RNF212: variants seen among roughly 807,000 people sequenced by gnomAD.
RNF212 encodes the protein probable E3 SUMO-protein ligase RNF212.
Under a neutral mutation model 34.7 loss-of-function variants are expected in RNF212, and 33 were observed. The ratio of observed to expected loss-of-function variants is 0.95; its 90% CI spans 0.72 to 1.27. The LOEUF (loss-of-function observed/expected upper bound fraction) is 1.27. RNF212 is among the 50% of genes most tolerant of loss of function. The pLI, the probability that RNF212 is intolerant of heterozygous loss-of-function variation, is 0.00. For synonymous variants in RNF212, 140 were observed against 136.1 expected, an observed-to-expected ratio of 1.03 and a Z score of -0.20; for missense variants, 377 against 362.2, an observed-to-expected ratio of 1.04 and a Z score of -0.33.
In RNF212 at chr4:1,072,976, C is replaced by A. The variant is rs751647382; in HGVS notation, c.792G>T (p.Leu264Phe). 2 of 1,614,158 alleles carry A rather than the reference C, an allele frequency of 1.2e-6. No individual in the cohort carries two copies. Among genetic ancestry groups the A allele is most frequent in the Non-Finnish European group, 1.7e-6 (2 of 1,180,038 alleles). ...TGCCCTCAGCCTGCTGGAACGGAAACAAGACGGCCCTTTGTACCTCAGCAT... is the reference window on the plus strand; with the variant it reads ...TGCCCTCAGCCTGCTGGAACGGAAAAAAGACGGCCCTTTGTACCTCAGCAT... ...PIYAEVQRAV[L>F]FPFQQAEGTL... The change falls in exon 10 of 10, where the codon TTG becomes TTT. Residue 264 changes from leucine (L) to phenylalanine (F), a missense_variant. Transcript: ENST00000433731.
At chr4:1,094,761 C>A (rs1722781474) in intron 3 of RNF212, among the ~76,000 whole-genome samples, 1 of 152,246 alleles carries the variant, frequency 6.6e-6, no homozygotes, top group Non-Finnish European at 1.5e-5. Context: ...CCCAGAGAAC[C>A]CTGATCTGGT....
intron 2 of RNF212, among the ~76,000 whole-genome samples, chr4:1,106,282 A>G (rs1450519426): frequency 6.7e-6 from 1 of 149,290 alleles, no homozygotes; most frequent in Non-Finnish European, 1.5e-5. Context: ...ACACACACAC[A>G]CACACACAGT....
At chr4:1,056,751 G>T in intron 4 of RNF212, 2 of 743,338 alleles carry the variant, frequency 2.7e-6, no homozygotes, top group Non-Finnish European at 3.3e-6. Flanking sequence ...CTCCATGGCT[G>T]CCCTTGGCAC....
At chr4:1,095,348 T>C (rs1322258370) in intron 3 of RNF212, among the ~76,000 whole-genome samples, 4 of 46,410 alleles carry the variant, frequency 8.6e-5, no homozygotes, top group Non-Finnish European at 1.7e-4. Context: ...CACAGCTCCA[T>C]GGTCTCAGCA....
intron 5 of RNF212, among the ~76,000 whole-genome samples, chr4:1,083,158 C>T (rs552338391): frequency 6.6e-6 from 1 of 152,238 alleles, no homozygotes; most frequent in South Asian, 2.1e-4. Flanking sequence ...AGAAATATAC[C>T]TCCCTCCAGC....
chr4:1,068,849 A>G (rs1352299991), downstream of RNF212, among the ~76,000 whole-genome samples: 1 of 152,234 alleles, frequency 6.6e-6, no homozygotes, highest in Non-Finnish European at 1.5e-5. Flanking sequence ...TTAAAAATGC[A>G]TTTTGAACAT....
intron 2 of RNF212, among the ~76,000 whole-genome samples, chr4:1,098,797 A>T (rs1009804548): frequency 2.6e-5 from 4 of 152,172 alleles, no homozygotes; most frequent in Non-Finnish European, 5.9e-5. Flanking sequence ...ATACAGAAAA[A>T]GTGCCCCCAG....
intron 4 of RNF212, among the ~76,000 whole-genome samples, chr4:1,057,340 C>G (rs10026482): frequency 0.81 from 123,460 of 152,106 alleles, 50,809 homozygotes; most frequent in African/African-American, 0.94. Context: ...ATGGGAGGGT[C>G]TGCCTTTTAG....
upstream of RNF212, chr4:1,113,570 C>A: frequency 1.2e-6 from 1 of 858,746 alleles, no homozygotes; most frequent in Non-Finnish European, 1.7e-6. Context: ...TCTGCGCCTG[C>A]GCAAAGTCGA....
intron 1 of RNF212, among the ~76,000 whole-genome samples, chr4:1,112,664 G>A (rs1725877344): frequency 1.4e-5 from 2 of 146,774 alleles, no homozygotes; most frequent in Admixed American, 6.8e-5. Flanking sequence ...CCGACTGACA[G>A]GACTCGTGGC....
intron 2 of RNF212, among the ~76,000 whole-genome samples, chr4:1,098,305 G>C (rs553257994): frequency 3.9e-5 from 6 of 152,334 alleles, no homozygotes; most frequent in African/African-American, 1.4e-4. Flanking sequence ...AACAGGAAAT[G>C]ATATCTTGAA....
At chr4:1,110,199 G>T (rs1217305557) in intron 1 of RNF212, among the ~76,000 whole-genome samples, 1 of 152,104 alleles carries the variant, frequency 6.6e-6, no homozygotes, top group Non-Finnish European at 1.5e-5. Context: ...TATAAATAGT[G>T]CTCACTAGTC....
At chr4:1,078,236 C>T (rs184138911) in intron 8 of RNF212, among the ~76,000 whole-genome samples, 9 of 152,312 alleles carry the variant, frequency 5.9e-5, no homozygotes, top group South Asian at 2.1e-4. Flanking sequence ...AGGCATTCAC[C>T]GCCGCCAGAA....
intron 2 of RNF212, 119 bp downstream of exon 2, chr4:1,108,224 T>C: frequency 1.7e-6 from 1 of 601,680 alleles, no homozygotes; most frequent in Non-Finnish European, 2.9e-6. Context: ...CAGATATCTT[T>C]GTTAACGGAG....
intron 2 of RNF212, among the ~76,000 whole-genome samples, chr4:1,102,979 A>G (rs1724258601): frequency 1.9e-5 from 1 of 52,298 alleles, no homozygotes; most frequent in African/African-American, 4.0e-5. Context: ...CGTCTCTACT[A>G]AAAAAATACA....
chr4:1,056,774 A>G, intron 4 of RNF212: 1 of 897,902 alleles, frequency 1.1e-6, no homozygotes, highest in Non-Finnish European at 1.3e-6. Flanking sequence ...ACTCAGTTAA[A>G]GAGCTTCTTT....
chr4:1,062,622 A>G (rs921204223), intron 3 of RNF212, among the ~76,000 whole-genome samples: 1 of 152,228 alleles, frequency 6.6e-6, no homozygotes, highest in Non-Finnish European at 1.5e-5. Context: ...TGCCGCTTGT[A>G]TTCAACACTG....
chr4:1,097,228 C>T (rs2153056810), intron 2 of RNF212, among the ~76,000 whole-genome samples: 1 of 152,306 alleles, frequency 6.6e-6, no homozygotes, highest in Non-Finnish European at 1.5e-5. Flanking sequence ...AGCATTAAGT[C>T]ACCACTATGT....
chr4:1,095,708 C>T (rs555450807), intron 3 of RNF212, among the ~76,000 whole-genome samples: 9 of 43,118 alleles, frequency 2.1e-4, no homozygotes, highest in African/African-American at 1.6e-3. Flanking sequence ...TCCATGGTCT[C>T]GGGATAGCGC....
Sources: gnomAD v4.1 joint callset for allele counts (sites outside exome capture counted in the v4.1 genomes callset) on GRCh38, gnomAD v4.1.1 for gene constraint, MANE v1.5 for transcripts, NCBI Gene and HGNC (gene_info 2026-07-23, HGNC 2026-07-21) for gene names.